Variants in EYA2 observed in about 807,000 individuals in gnomAD.
EYA2 encodes protein phosphatase EYA2.
In EYA2, 31 loss-of-function variants were observed where a neutral mutation model predicts 69.2. The ratio of observed to expected loss-of-function variants is 0.45; its 90% CI spans 0.34 to 0.60. The LOEUF (loss-of-function observed/expected upper bound fraction) is 0.60, where lower values mean the gene tolerates loss of function less well. Ranked by LOEUF, EYA2 falls within the 20% of genes least tolerant of loss-of-function variation. The pLI is 0.02. For missense variants in EYA2, 622 were observed against 701.2 expected (o/e 0.89, Z 1.28); for synonymous variants, 257 against 279.4 (o/e 0.92, Z 0.80).
chr20:46,959,658 A>G (rs1395738270), intron 1 of EYA2, among the ~76,000 whole-genome samples: 2 of 152,130 alleles, frequency 1.3e-5, no homozygotes, highest in African/African-American at 4.8e-5. Context: ...ACACGCACGC[A>G]CACGCACGCA....
intron 9 of EYA2, among the ~76,000 whole-genome samples, chr20:47,102,340 A>C (rs1452517960): frequency 6.6e-6 from 1 of 152,196 alleles, no homozygotes; most frequent in Non-Finnish European, 1.5e-5. Flanking sequence ...CTCCACCTCA[A>C]CCAAATAGAG....
intron 1 of EYA2, among the ~76,000 whole-genome samples, chr20:46,973,057 C>T (rs1980233145): frequency 6.6e-6 from 1 of 152,126 alleles, no homozygotes; most frequent in African/African-American, 2.4e-5. Flanking sequence ...GTGGTGCTAC[C>T]TGAACACAAG....
chr20:47,159,671 A>G (rs770865469), intron 10 of EYA2, among the ~76,000 whole-genome samples: 10 of 152,068 alleles, frequency 6.6e-5, no homozygotes, highest in Non-Finnish European at 1.2e-4. Context: ...TCTCTGTACT[A>G]TCTTTGCAAC....
At chr20:46,994,201 T>G (rs1159398560) in intron 2 of EYA2, among the ~76,000 whole-genome samples, 2 of 152,214 alleles carry the variant, frequency 1.3e-5, no homozygotes, top group Admixed American at 1.3e-4. Context: ...TGACAATAAT[T>G]TCCTTACTGC....
chr20:46,956,752 G>A (rs1335417074), intron 1 of EYA2, among the ~76,000 whole-genome samples: 3 of 152,204 alleles, frequency 2.0e-5, no homozygotes, highest in Non-Finnish European at 4.4e-5. Context: ...GCCTGTATTA[G>A]TCTGTTCTCA....
At chr20:47,085,296 G>A (rs2031859333) in intron 7 of EYA2, among the ~76,000 whole-genome samples, 1 of 152,036 alleles carries the variant, frequency 6.6e-6, no homozygotes, top group Admixed American at 6.5e-5. Context: ...CTACCTACAG[G>A]CGAATGGATA....
At chr20:47,149,418 A>G (rs1445458519) in intron 10 of EYA2, among the ~76,000 whole-genome samples, 4 of 152,062 alleles carry the variant, frequency 2.6e-5, no homozygotes, top group East Asian at 1.9e-4. Context: ...ATCCACATCC[A>G]TGGCGTTTGG....
At chr20:46,920,812 T>C (rs1258570958) in intron 1 of EYA2, among the ~76,000 whole-genome samples, 6 of 152,182 alleles carry the variant, frequency 3.9e-5, no homozygotes, top group Admixed American at 3.9e-4. Context: ...CCTTACTGAT[T>C]TTCCAGGGAG....
At chr20:46,897,821 C>T (rs1040302260) in intron 1 of EYA2, among the ~76,000 whole-genome samples, 1 of 152,076 alleles carries the variant, frequency 6.6e-6, no homozygotes, top group Non-Finnish European at 1.5e-5. Context: ...GTGGAAGTTG[C>T]GACTGGGGTA....
intron 1 of EYA2, among the ~76,000 whole-genome samples, chr20:46,950,737 C>T (rs968947806): frequency 4.6e-5 from 7 of 152,168 alleles, no homozygotes; most frequent in Non-Finnish European, 8.8e-5. Flanking sequence ...AGCGAGCAGG[C>T]ACTAGCTTTA....
At chr20:47,001,738 G>C (rs1982386667) in intron 3 of EYA2, among the ~76,000 whole-genome samples, 1 of 151,672 alleles carries the variant, frequency 6.6e-6, no homozygotes. Flanking sequence ...GCCTGGAGCA[G>C]AGTGTCCTCA....
chr20:46,936,017 G>T (rs2146257068), intron 1 of EYA2, among the ~76,000 whole-genome samples: 1 of 152,282 alleles, frequency 6.6e-6, no homozygotes, highest in African/African-American at 2.4e-5. Flanking sequence ...TGGATTTTCA[G>T]ATTCAGAGTG....
chr20:46,979,141 G>T (rs566676788), intron 1 of EYA2, among the ~76,000 whole-genome samples: 1 of 152,340 alleles, frequency 6.6e-6, no homozygotes. Flanking sequence ...ACCATCCTCA[G>T]CCAAGGTAGC....
intron 1 of EYA2, among the ~76,000 whole-genome samples, chr20:46,908,389 G>A (rs1227870623): frequency 6.6e-6 from 1 of 152,222 alleles, no homozygotes; most frequent in Non-Finnish European, 1.5e-5. Flanking sequence ...GAAAGAAGCG[G>A]TAGCAAGGAC....
intron 1 of EYA2, among the ~76,000 whole-genome samples, chr20:46,957,290 C>A (rs1979186623): frequency 6.6e-6 from 1 of 152,192 alleles, no homozygotes; most frequent in Non-Finnish European, 1.5e-5. Flanking sequence ...GCAAGCCTAT[C>A]AATTATACAC....
At chr20:47,001,787 C>CTT (rs61340904) in intron 3 of EYA2, among the ~76,000 whole-genome samples, 4,610 of 147,432 alleles carry the variant, frequency 0.031, 204 homozygotes, top group African/African-American at 0.1. Context: ...TCTCTTCATT[C>CTT]TTTTTTTTTT....
At chr20:47,003,433 G>A (rs548595635) in intron 3 of EYA2, among the ~76,000 whole-genome samples, 8 of 152,184 alleles carry the variant, frequency 5.3e-5, no homozygotes, top group African/African-American at 1.4e-4. Context: ...GATGTGATTC[G>A]GTCTCAAGAG....
chr20:46,997,989 C>T (rs1982134766), intron 2 of EYA2: 1 of 152,346 alleles, frequency 6.6e-6, no homozygotes, highest in African/African-American at 2.4e-5. Flanking sequence ...GCTTGTTCCC[C>T]CAGAAGGGTC....
At chr20:47,160,531 G>A (rs2034043922) in intron 10 of EYA2, among the ~76,000 whole-genome samples, 1 of 152,118 alleles carries the variant, frequency 6.6e-6, no homozygotes. Context: ...AGAATGGTCA[G>A]ATTGTGGGTA....
Sources: allele counts gnomAD v4.1 joint callset (sites outside exome capture counted in the v4.1 genomes callset), GRCh38; gene constraint gnomAD v4.1.1; transcripts MANE v1.5; gene names NCBI Gene and HGNC (gene_info 2026-07-23, HGNC 2026-07-21).